The following LINGO2 variants were observed in gnomAD, a reference collection of about 807,000 sequenced individuals.
LINGO2 encodes leucine-rich repeat and immunoglobulin-like domain-containing nogo receptor-interacting protein 2.
Under a neutral mutation model 30.6 loss-of-function variants are expected in LINGO2, and 14 were observed. The observed-to-expected ratio is 0.46, with a 90% CI of 0.30 to 0.72. LINGO2 has a LOEUF of 0.72. Ranked by LOEUF, LINGO2 falls within the 30% of genes least tolerant of loss-of-function variation. LINGO2 has a pLI of 0.07. For missense variants in LINGO2, 729 were observed against 751.7 expected, an observed-to-expected ratio of 0.97 and a Z score of 0.35; for synonymous variants, 317 against 288.5, an observed-to-expected ratio of 1.10 and a Z score of -1.00.
At chr9:28,397,810 G>A (rs903813982) in intron 2 of LINGO2, among the ~76,000 whole-genome samples, 4 of 152,014 alleles carry the variant, frequency 2.6e-5, no homozygotes, top group Non-Finnish European at 2.9e-5. Flanking sequence ...GCCTCCCAAC[G>A]TGCTGGGATT....
At chr9:28,486,443 A>G (rs534190965) in intron 1 of LINGO2, among the ~76,000 whole-genome samples, 1 of 151,904 alleles carries the variant, frequency 6.6e-6, no homozygotes, top group South Asian at 2.1e-4. Flanking sequence ...TATTTAGAGA[A>G]AAAAAAATGT....
intron 5 of LINGO2, among the ~76,000 whole-genome samples, chr9:27,983,548 G>T (rs1820983958): frequency 6.6e-6 from 1 of 151,810 alleles, no homozygotes; most frequent in African/African-American, 2.4e-5. Context: ...CTTTCCTAGA[G>T]TCATCCTGCA....
At chr9:28,908,641 C>T in the LINGO2 span, among the ~76,000 whole-genome samples, 10 of 151,666 alleles carry the variant, frequency 6.6e-5, no homozygotes, top group Non-Finnish European at 1.3e-4. Flanking sequence ...ATGGGGAAAA[C>T]CAAAAGGAAA....
At chr9:28,742,437 C>T in the LINGO2 span, among the ~76,000 whole-genome samples, 868 of 151,504 alleles carry the variant, frequency 5.7e-3, 4 homozygotes, top group Middle Eastern at 0.021. Flanking sequence ...ATGTTAGTCT[C>T]CCTAAACTAC....
chr9:28,902,669 G>T, the LINGO2 span, among the ~76,000 whole-genome samples: 1 of 152,044 alleles, frequency 6.6e-6, no homozygotes, highest in Non-Finnish European at 1.5e-5. Context: ...TTAAAAGATT[G>T]AAATTATTCA....
intron 5 of LINGO2, among the ~76,000 whole-genome samples, chr9:27,959,209 C>T (rs1458028865): frequency 1.3e-5 from 2 of 151,696 alleles, no homozygotes; most frequent in Non-Finnish European, 2.9e-5. Context: ...TTAAAATTTT[C>T]AAAGGACCAA....
the LINGO2 span, among the ~76,000 whole-genome samples, chr9:28,769,556 C>T: frequency 1.1e-5 from 1 of 94,422 alleles, no homozygotes; most frequent in Non-Finnish European, 2.0e-5. Context: ...ACCTGAATGT[C>T]CTCCAGTTTT....
At chr9:29,180,568 T>C in the LINGO2 span, among the ~76,000 whole-genome samples, 1 of 152,152 alleles carries the variant, frequency 6.6e-6, no homozygotes, top group Non-Finnish European at 1.5e-5. Flanking sequence ...TCAAATATCA[T>C]GGATAAAAAA....
the LINGO2 span, among the ~76,000 whole-genome samples, chr9:29,196,295 T>C: frequency 2.0e-5 from 3 of 152,194 alleles, no homozygotes; most frequent in Non-Finnish European, 2.9e-5. Flanking sequence ...TAGATTTAAT[T>C]TGACTGATGA....
At chr9:28,850,012 T>G in the LINGO2 span, among the ~76,000 whole-genome samples, 1 of 152,050 alleles carries the variant, frequency 6.6e-6, no homozygotes, top group Non-Finnish European at 1.5e-5. Flanking sequence ...ATTTAGTAAC[T>G]GCTTACTGAG....
At chr9:29,150,675 G>A in the LINGO2 span, among the ~76,000 whole-genome samples, 4 of 152,154 alleles carry the variant, frequency 2.6e-5, no homozygotes, top group Admixed American at 6.5e-5. Flanking sequence ...GAATCTCAGA[G>A]CTCGAAGACC....
intron 1 of LINGO2, among the ~76,000 whole-genome samples, chr9:28,504,631 A>C (rs2135331111): frequency 6.6e-6 from 1 of 151,772 alleles, no homozygotes; most frequent in East Asian, 1.9e-4. Context: ...TTCATCATTA[A>C]AAATGGACAA....
the LINGO2 span, among the ~76,000 whole-genome samples, chr9:28,756,904 C>G: frequency 6.6e-6 from 1 of 151,680 alleles, no homozygotes; most frequent in Non-Finnish European, 1.5e-5. Flanking sequence ...TTAGGCAGAT[C>G]ACCTAAATGC....
chr9:28,268,490 A>C (rs1822831659), intron 4 of LINGO2, among the ~76,000 whole-genome samples: 1 of 152,066 alleles, frequency 6.6e-6, no homozygotes, highest in Admixed American at 6.6e-5. Flanking sequence ...GTGGTCTCAT[A>C]AGAAAGTCAA....
intron 5 of LINGO2, among the ~76,000 whole-genome samples, chr9:28,004,827 A>G (rs1822179455): frequency 6.6e-6 from 1 of 152,198 alleles, no homozygotes; most frequent in Non-Finnish European, 1.5e-5. Flanking sequence ...TAGAGATAGA[A>G]ATGTTGGAGA....
intron 1 of LINGO2, among the ~76,000 whole-genome samples, chr9:28,509,034 A>T (rs1820264323): frequency 6.6e-6 from 1 of 152,160 alleles, no homozygotes; most frequent in African/African-American, 2.4e-5. Flanking sequence ...AGAATCTAGC[A>T]GACTCTATGG....
At chr9:28,255,018 C>G (rs1587334767) in intron 4 of LINGO2, among the ~76,000 whole-genome samples, 2 of 152,040 alleles carry the variant, frequency 1.3e-5, no homozygotes, top group Non-Finnish European at 2.9e-5. Context: ...CATGTAACAC[C>G]TAAATTTACT....
At chr9:28,074,810 C>T (rs1046934006) in intron 4 of LINGO2, among the ~76,000 whole-genome samples, 1 of 151,904 alleles carries the variant, frequency 6.6e-6, no homozygotes, top group African/African-American at 2.4e-5. Context: ...ATTTATAATG[C>T]ATTAGTTTTA....
the LINGO2 span, among the ~76,000 whole-genome samples, chr9:28,991,470 A>G: frequency 6.8e-6 from 1 of 146,968 alleles, no homozygotes; most frequent in Non-Finnish European, 1.5e-5. Context: ...AACTTCCCCA[A>G]TCTAGCAAGG....
Sources: allele counts gnomAD v4.1 joint callset (sites outside exome capture counted in the v4.1 genomes callset), GRCh38; gene constraint gnomAD v4.1.1; transcripts MANE v1.5; gene names NCBI Gene and HGNC (gene_info 2026-07-23, HGNC 2026-07-21).